Variants in EML6 observed in about 807,000 individuals in gnomAD.
EML6 encodes echinoderm microtubule-associated protein-like 6.
EML6 carries 154 observed loss-of-function variants against 240.1 expected under a neutral mutation model. The observed-to-expected ratio is 0.64, with a 90% CI of 0.56 to 0.73. EML6 has a LOEUF of 0.73. Ranked by LOEUF, EML6 falls within the 30% of genes least tolerant of loss-of-function variation. EML6 has a pLI of 0.00. For synonymous variants in EML6, 1,148 were observed against 899.0 expected (o/e 1.28, Z -4.95); for missense variants, 2,964 against 2,474.6 (o/e 1.20, Z -4.20).
At chr2:54,878,476 G>A (rs989146741) in intron 16 of EML6, among the ~76,000 whole-genome samples, 1 of 152,200 alleles carries the variant, frequency 6.6e-6, no homozygotes, top group African/African-American at 2.4e-5. Context: ...CAGGAAGGCA[G>A]CAAAGGAAAG....
In EML6 at chr2:54,971,819, T is replaced by A. The variant is rs1435547681; in HGVS notation, c.*1724T>A. On this transcript the variant is annotated 3_prime_UTR_variant, in exon 42 of 42. Transcript: ENST00000356458. ...CGATTAATGATGACATGTACAACCA[T>A]ATTTAAAGAGCAATAGTGTCCGTGT... 1 of 152,232 alleles carries A rather than the reference T, an allele frequency of 6.6e-6. No homozygotes were observed. The allele number at this position is 152,232 out of a possible 1,614,324, so 9.4% of individuals were successfully genotyped here.
chr2:54,785,212 G>A (rs1199601353), intron 2 of EML6, among the ~76,000 whole-genome samples: 1 of 118,064 alleles, frequency 8.5e-6, no homozygotes, highest in African/African-American at 3.3e-5. Context: ...GTCTCACTAT[G>A]TTGCCCAGAC....
intron 7 of EML6, among the ~76,000 whole-genome samples, chr2:54,831,872 A>T (rs1207804381): frequency 2.0e-5 from 3 of 152,190 alleles, no homozygotes; most frequent in Non-Finnish European, 4.4e-5. Context: ...GATGCTGTGG[A>T]TGATGTTAAT....
chr2:54,878,249 C>A (rs182463295), intron 16 of EML6, among the ~76,000 whole-genome samples: 1 of 152,136 alleles, frequency 6.6e-6, no homozygotes, highest in African/African-American at 2.4e-5. Flanking sequence ...TTGAAAATAC[C>A]GGTTGGGACC....
Position 54,771,165 on chromosome 2 carries a change from C to T in EML6, c.198-42067C>T, listed in dbSNP as rs529611028. ...ATGTAATTTACTGAGCAGTTAATGG[C>T]GTGCTACACATTTTTGGAGTTATAA... On this transcript the variant is annotated intron_variant, in intron 2 of 41. Transcript: ENST00000356458. Among the ~76,000 whole-genome samples the T allele has an allele frequency of 2.6e-5, 4 of 152,230 alleles. No individual in the cohort carries two copies. In the East Asian group the frequency reaches 5.8e-4, roughly 22 times the overall value.
intron 28 of EML6, among the ~76,000 whole-genome samples, chr2:54,947,799 C>T (rs943095437): frequency 3.9e-5 from 6 of 152,150 alleles, no homozygotes; most frequent in Non-Finnish European, 8.8e-5. Context: ...TGCCCAGAGA[C>T]GCCAGGGTAT....
chr2:54,861,144 T>C (rs531245599), intron 12 of EML6, among the ~76,000 whole-genome samples: 43 of 152,276 alleles, frequency 2.8e-4, no homozygotes, highest in Admixed American at 2.7e-3. Flanking sequence ...GGCAAACATA[T>C]AATAGCCTTC....
intron 22 of EML6, among the ~76,000 whole-genome samples, chr2:54,902,446 C>G (rs1673107963): frequency 6.6e-6 from 1 of 152,200 alleles, no homozygotes; most frequent in African/African-American, 2.4e-5. Context: ...GTCATCCAGT[C>G]TGGAGTGCCA....
rs750140655 is a variant in EML6, at chr2:54,970,210, C to A, written c.*115C>A. 3 of 1,003,070 alleles carry A rather than the reference C, an allele frequency of 3.0e-6. No homozygotes were observed. The highest frequency in any genetic ancestry group is 4.0e-5 in the Admixed American group (2 of 49,916). 62.1% of individuals were successfully genotyped at this position (1,003,070 alleles called of 1,614,324 possible). A position where few individuals can be genotyped will look rare whatever the true frequency, so the allele number is the denominator to read the frequency against. On this transcript the variant is annotated 3_prime_UTR_variant, in exon 42 of 42. Coordinates refer to ENST00000356458, the MANE Select transcript of EML6 (RefSeq NM_001039753.4). ...TTGGGAAATGCCTACCATGCTGCCC[C>A]GGATGCACAAGCTCAAAACGCTGCA...
At chr2:54,851,867 G>A (rs1037024523) in intron 10 of EML6, among the ~76,000 whole-genome samples, 7 of 152,206 alleles carry the variant, frequency 4.6e-5, no homozygotes, top group African/African-American at 4.8e-5. Flanking sequence ...GGTATCATCC[G>A]TGGGTTTCAG....
intron 2 of EML6, among the ~76,000 whole-genome samples, chr2:54,737,224 G>A (rs1683437115): frequency 6.6e-6 from 1 of 152,160 alleles, no homozygotes; most frequent in Non-Finnish European, 1.5e-5. Flanking sequence ...GAATCATGAT[G>A]GCTGCAGTTT....
At chr2:54,893,399 T>C (rs974136615) in intron 19 of EML6, among the ~76,000 whole-genome samples, 3 of 152,134 alleles carry the variant, frequency 2.0e-5, no homozygotes, top group Admixed American at 1.3e-4. Context: ...GAAGGGCCAA[T>C]AAGAGTGGGA....
At position 54,954,993 on chromosome 2, in the gene EML6, G is replaced by A. The variant is rs190839090; in HGVS notation, c.4486+837G>A. 7.9e-5 allele frequency among the ~76,000 whole-genome samples: 12 copies of A among 152,342 alleles called. No individual in the cohort carries two copies. In the East Asian group the frequency reaches 2.3e-3, roughly 29 times the overall value. Reference sequence around the variant, plus strand: ...ATGGAGGGGGTGGTGCGTGGAGGTTGTAAAGAGATCAGCACACTGGGGGAA... The same window carrying A: ...ATGGAGGGGGTGGTGCGTGGAGGTTATAAAGAGATCAGCACACTGGGGGAA... On this transcript the variant is annotated intron_variant, in intron 32 of 41. Coordinates refer to ENST00000356458, the MANE Select transcript of EML6 (RefSeq NM_001039753.4).
chr2:54,917,839 C>G (rs1674008828), intron 26 of EML6, among the ~76,000 whole-genome samples: 1 of 152,180 alleles, frequency 6.6e-6, no homozygotes, highest in Admixed American at 6.5e-5. Context: ...CAGCTGTCCC[C>G]TCCCTTAAGC....
chr2:54,790,071 TTAAG>T (rs1369728706), intron 2 of EML6, among the ~76,000 whole-genome samples: 3 of 152,216 alleles, frequency 2.0e-5, no homozygotes, highest in Non-Finnish European at 1.5e-5. Flanking sequence ...ATAGTCAGCA[TTAAG>T]TAAATATTTG....
At chr2:54,757,513 C>A (rs1667788958) in intron 2 of EML6, among the ~76,000 whole-genome samples, 1 of 59,668 alleles carries the variant, frequency 1.7e-5, no homozygotes, top group Non-Finnish European at 4.5e-5. Context: ...GCAAGTGTTC[C>A]AGGAGTAAAA....
chr2:54,861,003 C>G (rs922541767), intron 12 of EML6, among the ~76,000 whole-genome samples: 1 of 152,212 alleles, frequency 6.6e-6, no homozygotes, highest in African/African-American at 2.4e-5. Context: ...GTGACATCCC[C>G]TTGGAGCAGT....
chr2:54,737,890 C>T (rs1435416035), intron 2 of EML6, among the ~76,000 whole-genome samples: 2 of 152,160 alleles, frequency 1.3e-5, no homozygotes, highest in Non-Finnish European at 2.9e-5. Flanking sequence ...TTGATCCACT[C>T]CAGCCACACT....
chr2:54,764,229 T>C (rs1415996549), intron 2 of EML6, among the ~76,000 whole-genome samples: 2 of 152,166 alleles, frequency 1.3e-5, no homozygotes, highest in African/African-American at 4.8e-5. Context: ...TAAGATTAAG[T>C]CCATATAATT....
Sources: allele counts gnomAD v4.1 joint callset (sites outside exome capture counted in the v4.1 genomes callset), GRCh38; gene constraint gnomAD v4.1.1; transcripts MANE v1.5; gene names NCBI Gene and HGNC (gene_info 2026-07-23, HGNC 2026-07-21).